NFS1: variants seen among roughly 807,000 people sequenced by gnomAD.
The protein encoded by NFS1 is NFS1 cysteine desulfurase, also known as cysteine desulfurase.
In NFS1, 26 loss-of-function variants were observed where a neutral mutation model predicts 57.3. That is an observed-to-expected ratio of 0.45 (90% CI 0.33 to 0.63). The LOEUF (loss-of-function observed/expected upper bound fraction) is 0.63. Ranked by LOEUF, NFS1 falls within the 20% of genes least tolerant of loss-of-function variation. The probability of loss-of-function intolerance (pLI) is 0.02; values close to 1 mark genes in which losing one functional copy is unlikely to be tolerated. For missense variants in NFS1, 505 were observed against 605.8 expected, an observed-to-expected ratio of 0.83 and a Z score of 1.75; for synonymous variants, 209 against 216.3, an observed-to-expected ratio of 0.97 and a Z score of 0.30.
chr20:35,682,758 T>TG (rs2038654479), intron 5 of NFS1: 1 of 139,330 alleles, frequency 7.2e-6, no homozygotes, highest in African/African-American at 2.8e-5. Context: ...CCAGCCTGGG[T>TG]GACAGAGTGA....
At chr20:35,683,425 T>C (rs2043299236) in intron 5 of NFS1, among the ~76,000 whole-genome samples, 2 of 150,930 alleles carry the variant, frequency 1.3e-5, no homozygotes, top group Admixed American at 1.3e-4. Context: ...GAGGTTGCAG[T>C]GAGCTGAGAT....
At chr20:35,687,393 C>T (rs1194109031) in intron 5 of NFS1, among the ~76,000 whole-genome samples, 1 of 151,994 alleles carries the variant, frequency 6.6e-6, no homozygotes, top group Non-Finnish European at 1.5e-5. Context: ...GAAATAATGG[C>T]GTAAGCTGTC....
Position 35,681,976 on chromosome 20 carries a change from T to C in NFS1, c.567A>G (p.Leu189=), listed in dbSNP as rs764689572. 1 of 1,597,604 alleles carries C rather than the reference T, an allele frequency of 6.3e-7. No homozygotes were observed. Among genetic ancestry groups the C allele is most frequent in the Admixed American group, 1.7e-5 (1 of 59,964 alleles). Residue 189 remains leucine, a synonymous_variant, in exon 6 of 13, where the codon CTA becomes CTG. Coordinates refer to ENST00000374092, the MANE Select transcript of NFS1 (RefSeq NM_021100.5). ...TAGTATCTGGCTGGATAGCAGCCTC[T>C]AGTTCCTAGGGATATGCAGGAGTAA... The part of the protein sequence containing the change: ...QKSGIIDLKE[L]EAAIQPDTSL...
chr20:35,683,089 C>T (rs1252479425), intron 5 of NFS1, among the ~76,000 whole-genome samples: 1 of 150,242 alleles, frequency 6.7e-6, no homozygotes, highest in African/African-American at 2.4e-5. Context: ...AAAAACAAAA[C>T]AAAACAAAAC....
At chr20:35,674,116 C>T in intron 10 of NFS1, 1 of 536,832 alleles carries the variant, frequency 1.9e-6, no homozygotes, top group Non-Finnish European at 3.4e-6. Context: ...ACACATACAT[C>T]CCCTGGGACG....
intron 7 of NFS1, chr20:35,675,424 A>C: frequency 1.7e-6 from 1 of 604,806 alleles, no homozygotes; most frequent in Non-Finnish European, 2.9e-6. Context: ...AATGATCAAA[A>C]TGGTTTAAAG....
At chr20:35,680,569 A>T (rs1022420020) in intron 7 of NFS1, among the ~76,000 whole-genome samples, 168 bp downstream of exon 7, 2 of 152,244 alleles carry the variant, frequency 1.3e-5, no homozygotes, top group Non-Finnish European at 2.9e-5. Context: ...AGGTCTACAA[A>T]CAAGCAAGTG....
rs2034717804 is a variant in NFS1 at position 35,675,047 on chromosome 20, C to G, written c.946G>C (p.Glu316Gln). The G allele has an allele frequency of 6.2e-7, 1 of 1,613,822 alleles. No individual in the cohort carries two copies. The highest frequency in any genetic ancestry group is 8.5e-7 in the Non-Finnish European group (1 of 1,179,894). Residue 316 changes from glutamate to glutamine, a missense_variant and splice_region_variant, in exon 8 of 13, where the codon GAG becomes CAG. Physicochemically the swap from Glu to Gln is conservative, Grantham distance 29. Coordinates refer to ENST00000374092, the MANE Select transcript of NFS1 (RefSeq NM_021100.5). ...GGAGGGAACTGCTCTCCCCATACCT[C>G]CATCTCTTGCTGTGCCACCTCACAC... ...AACEVAQQEM[E>Q]YDHKRISKLS...
intron 7 of NFS1, among the ~76,000 whole-genome samples, chr20:35,678,336 C>CA (rs2034791122): frequency 6.6e-6 from 1 of 151,732 alleles, no homozygotes; most frequent in African/African-American, 2.4e-5. Flanking sequence ...GGCTGGGTGA[C>CA]AGAGCGAGAC....
chr20:35,691,172 G>T (rs942480489), intron 4 of NFS1, among the ~76,000 whole-genome samples: 2 of 151,990 alleles, frequency 1.3e-5, no homozygotes, highest in African/African-American at 2.4e-5. Context: ...ATTAATGTAG[G>T]TATTTAAAAA....
In NFS1 at chr20:35,680,846, T is replaced by C. The variant is rs372878953; in HGVS notation, c.681A>G (p.Val227=). ...EIGRICSSRK[V]YFHTDAAQAV... is the part of the protein sequence containing the mutation. ...CCTGGGCTGCATCAGTATGGAAATATACCTTTCTGGAACTGCAAATCCGCC... is the reference window on the plus strand; with the variant it reads ...CCTGGGCTGCATCAGTATGGAAATACACCTTTCTGGAACTGCAAATCCGCC... Residue 227 remains valine (V), a synonymous_variant, in exon 7 of 13, where the codon GTA becomes GTG. Transcript: ENST00000374092. 1.9e-6 allele frequency: 3 copies of C among 1,552,916 alleles called. No individual in the cohort carries two copies. The highest frequency in any genetic ancestry group is 2.6e-6 in the Non-Finnish European group (3 of 1,151,592).
chr20:35,697,054 C>T (rs752145738), intron 3 of NFS1, among the ~76,000 whole-genome samples: 2 of 152,042 alleles, frequency 1.3e-5, no homozygotes, highest in Admixed American at 6.6e-5. Context: ...TGCAGTGAGC[C>T]GAGATCGTGC....
chr20:35,689,466 T>C (rs902117274), intron 5 of NFS1, among the ~76,000 whole-genome samples: 4 of 142,244 alleles, frequency 2.8e-5, no homozygotes, highest in African/African-American at 1.1e-4. Context: ...CTACTAAAAA[T>C]ATAAAAAATT....
chr20:35,678,309 C>T (rs1237875924), intron 7 of NFS1, among the ~76,000 whole-genome samples: 1 of 152,000 alleles, frequency 6.6e-6, no homozygotes, highest in East Asian at 1.9e-4. Flanking sequence ...GAGCCAAGAT[C>T]ACGCCACTGT....
At chr20:35,678,105 C>T (rs2034785288) in intron 7 of NFS1, among the ~76,000 whole-genome samples, 1 of 151,684 alleles carries the variant, frequency 6.6e-6, no homozygotes, top group Admixed American at 6.6e-5. Flanking sequence ...TTCCCAGCAC[C>T]TTGGGAGGCC....
At chr20:35,672,020 G>A (rs967878434) in intron 12 of NFS1, among the ~76,000 whole-genome samples, 10 of 152,270 alleles carry the variant, frequency 6.6e-5, no homozygotes, top group African/African-American at 2.4e-4. Context: ...GTGCAGTGGT[G>A]TGATCTCGGC....
intron 7 of NFS1, chr20:35,675,831 A>G (rs1037363365): frequency 6.7e-6 from 1 of 148,378 alleles, no homozygotes. Context: ...AGATCAAGCC[A>G]CTGCACTCCA....
In NFS1 at chr20:35,697,373, T is replaced by A. The variant is rs575587724; in HGVS notation, c.324+311A>T. Among the ~76,000 whole-genome samples the A allele has an allele frequency of 2.0e-5, 3 of 151,968 alleles. No individual in the cohort carries two copies. The East Asian group carries it at 5.8e-4, about 29-fold the overall frequency. On this transcript the variant is annotated intron_variant, in intron 3 of 12. Coordinates refer to ENST00000374092, the MANE Select transcript of NFS1 (RefSeq NM_021100.5). ...TTCTTACTTACAGATGTTGTGGTAA[T>A]AAACACTTTATCAGCATTGTCTTAT...
chr20:35,669,989 T>A (rs528314313), intron 12 of NFS1, among the ~76,000 whole-genome samples: 29 of 152,292 alleles, frequency 1.9e-4, no homozygotes, highest in African/African-American at 6.3e-4. Context: ...GAAGCTTTCA[T>A]CCCACTGGTA....
Sources: gnomAD v4.1 joint callset for allele counts (sites outside exome capture counted in the v4.1 genomes callset) on GRCh38, gnomAD v4.1.1 for gene constraint, MANE v1.5 for transcripts, NCBI Gene and HGNC (gene_info 2026-07-23, HGNC 2026-07-21) for gene names.